Variants in PTPRG observed in about 807,000 individuals in gnomAD.
The protein encoded by PTPRG is protein tyrosine phosphatase receptor type G, also known as receptor-type tyrosine-protein phosphatase gamma.
PTPRG carries 102 observed loss-of-function variants against 165.3 expected under a neutral mutation model. The observed-to-expected ratio is 0.62, with a 90% CI of 0.53 to 0.73. The LOEUF is 0.73. PTPRG is among the 30% of genes least tolerant of loss of function. The pLI is 0.00. For missense variants in PTPRG, 1,866 were observed against 1,861.4 expected (o/e 1.00, Z -0.05); for synonymous variants, 675 against 669.5 (o/e 1.01, Z -0.13).
At chr3:61,919,973 G>A (rs1393420390) in intron 2 of PTPRG, among the ~76,000 whole-genome samples, 3 of 152,176 alleles carry the variant, frequency 2.0e-5, no homozygotes, top group African/African-American at 7.2e-5. Flanking sequence ...ATCATTATAT[G>A]ATGGTATCCA....
chr3:62,168,465 T>C (rs777529495), intron 8 of PTPRG, among the ~76,000 whole-genome samples: 1 of 152,216 alleles, frequency 6.6e-6, no homozygotes, highest in Admixed American at 6.5e-5. Context: ...GTCTTACTTT[T>C]TATGTGTTTC....
chr3:61,695,503 G>T (rs912330982), intron 1 of PTPRG, among the ~76,000 whole-genome samples: 1 of 152,202 alleles, frequency 6.6e-6, no homozygotes, highest in South Asian at 2.1e-4. Flanking sequence ...ATGAGAACAA[G>T]TTCCGTTGAC....
intron 1 of PTPRG, among the ~76,000 whole-genome samples, chr3:61,739,823 A>G (rs1454316038): frequency 1.3e-5 from 2 of 152,230 alleles, no homozygotes; most frequent in Non-Finnish European, 1.5e-5. Flanking sequence ...CTGGGTGGAG[A>G]AGGCAGCTAG....
At chr3:61,798,102 A>G (rs895420924) in intron 2 of PTPRG, among the ~76,000 whole-genome samples, 1 of 152,220 alleles carries the variant, frequency 6.6e-6, no homozygotes, top group Admixed American at 6.5e-5. Context: ...TCTGCATTTT[A>G]ATACAGACAA....
In PTPRG at chr3:62,203,808, C is replaced by T; in HGVS notation, c.2013C>T (p.Val671=). 6.2e-7 allele frequency: 1 copy of T among 1,613,954 alleles called. No homozygotes were observed. The highest frequency in any genetic ancestry group is 8.5e-7 in the Non-Finnish European group (1 of 1,179,972). Residue 671 remains valine (V), a synonymous_variant, in exon 12 of 30, where the codon GTC becomes GTT. Coordinates refer to ENST00000474889, the MANE Select transcript of PTPRG (RefSeq NM_002841.4). This position sits in a 1 kb window ranked among gnomAD's most constrained non-coding sequence, Gnocchi z 6.4. The part of the protein sequence containing the change: ...DAGPGLDPDM[V]TSTQVPPTAT... Reference sequence around the variant, plus strand: ...GCCCAGGCCTGGACCCCGACATGGTCACCTCCACCCAAGTGCCCCCCACCG... The same window carrying T: ...GCCCAGGCCTGGACCCCGACATGGTTACCTCCACCCAAGTGCCCCCCACCG...
At chr3:61,635,912 G>C (rs1701895876) in intron 1 of PTPRG, among the ~76,000 whole-genome samples, 1 of 152,264 alleles carries the variant, frequency 6.6e-6, no homozygotes, top group South Asian at 2.1e-4. Flanking sequence ...ACATCTTTTT[G>C]ATAGTGTGTT....
At chr3:62,064,209 A>G (rs546396197) in intron 4 of PTPRG, among the ~76,000 whole-genome samples, 24 of 152,280 alleles carry the variant, frequency 1.6e-4, no homozygotes, top group African/African-American at 5.5e-4. Context: ...CTTGGCCCCA[A>G]ATGAATACAA....
chr3:62,047,334 G>C (rs574899410), intron 4 of PTPRG, among the ~76,000 whole-genome samples: 15 of 151,886 alleles, frequency 9.9e-5, no homozygotes, highest in African/African-American at 1.4e-4. Flanking sequence ...ATCTCAGCTC[G>C]CTGCAACCTC....
At chr3:62,121,094 A>C (rs7648798) in intron 5 of PTPRG, among the ~76,000 whole-genome samples, 1 of 150,394 alleles carries the variant, frequency 6.6e-6, no homozygotes. Flanking sequence ...ACAGGCGCCC[A>C]CCACTAGCCT....
chr3:62,088,217 TG>T (rs551091036), intron 5 of PTPRG, among the ~76,000 whole-genome samples: 101 of 152,344 alleles, frequency 6.6e-4, no homozygotes, highest in African/African-American at 2.3e-3. Context: ...GGAACGCTGC[TG>T]AACATCCTGC....
chr3:62,131,292 C>T (rs1256276995), intron 5 of PTPRG, among the ~76,000 whole-genome samples: 2 of 152,178 alleles, frequency 1.3e-5, no homozygotes, highest in African/African-American at 2.4e-5. Flanking sequence ...ACATGTCCCT[C>T]TTGTAGGGCA....
chr3:61,907,302 T>G (rs1195538877), intron 2 of PTPRG, among the ~76,000 whole-genome samples: 5 of 152,180 alleles, frequency 3.3e-5, no homozygotes, highest in African/African-American at 1.2e-4. Flanking sequence ...TTGAGAAGCC[T>G]CCTTTCTGGA....
chr3:61,984,325 A>G (rs1292158037), intron 2 of PTPRG, among the ~76,000 whole-genome samples: 2 of 152,204 alleles, frequency 1.3e-5, no homozygotes, highest in African/African-American at 2.4e-5. Flanking sequence ...AGGTTTTTAT[A>G]TAAGCTTAAA....
intron 2 of PTPRG, among the ~76,000 whole-genome samples, chr3:61,978,472 A>G (rs1234556953): frequency 6.7e-6 from 1 of 148,974 alleles, no homozygotes; most frequent in African/African-American, 2.5e-5. Flanking sequence ...CTAGTTTTGG[A>G]CCATTGCATA....
intron 6 of PTPRG, among the ~76,000 whole-genome samples, chr3:62,149,856 AT>A (rs920768165): frequency 2.4e-4 from 36 of 152,000 alleles, no homozygotes; most frequent in South Asian, 8.3e-4. Flanking sequence ...CCAAAAGCTG[AT>A]TTTTTCCCCC....
intron 8 of PTPRG, among the ~76,000 whole-genome samples, chr3:62,172,402 C>A (rs923061670): frequency 6.6e-6 from 1 of 152,196 alleles, no homozygotes; most frequent in Non-Finnish European, 1.5e-5. Flanking sequence ...CATATCCTCA[C>A]CAACACTTGT....
chr3:61,676,356 C>T (rs902194949), intron 1 of PTPRG, among the ~76,000 whole-genome samples: 1 of 146,500 alleles, frequency 6.8e-6, no homozygotes, highest in African/African-American at 2.6e-5. Context: ...ACTCGGGAGG[C>T]TGAGGCAGGA....
At chr3:61,585,179 G>C (rs1184221301) in intron 1 of PTPRG, among the ~76,000 whole-genome samples, 1 of 151,654 alleles carries the variant, frequency 6.6e-6, no homozygotes, top group Non-Finnish European at 1.5e-5. Context: ...TACTTGGGAG[G>C]CTGAGGCAGG....
chr3:61,889,936 G>A (rs1371625869), intron 2 of PTPRG, among the ~76,000 whole-genome samples: 2 of 152,260 alleles, frequency 1.3e-5, no homozygotes, highest in African/African-American at 4.8e-5. Context: ...TCAGAGAAAC[G>A]GATGATGGGG....
Sources: gnomAD v4.1 joint callset for allele counts (sites outside exome capture counted in the v4.1 genomes callset) on GRCh38, gnomAD v4.1.1 for gene constraint, Gnocchi (gnomAD v3.1) non-coding constraint, MANE v1.5 for transcripts, NCBI Gene and HGNC (gene_info 2026-07-23, HGNC 2026-07-21) for gene names.